Variants in EIF3H observed in about 807,000 individuals in gnomAD.
The protein encoded by EIF3H is eukaryotic translation initiation factor 3 subunit H.
A neutral mutation model predicts 44.2 loss-of-function variants in EIF3H; 26 were observed. The observed-to-expected ratio is 0.59, with a 90% CI of 0.43 to 0.82. The LOEUF (loss-of-function observed/expected upper bound fraction) is 0.82, where lower values mean the gene tolerates loss of function less well. EIF3H is among the 40% of genes least tolerant of loss of function. The probability of loss-of-function intolerance (pLI) is 0.00; values close to 1 mark genes in which losing one functional copy is unlikely to be tolerated. For missense variants in EIF3H, 359 were observed against 432.8 expected (o/e 0.83, Z 1.51); for synonymous variants, 166 against 151.9 (o/e 1.09, Z -0.68).
intron 2 of EIF3H, among the ~76,000 whole-genome samples, chr8:116,700,573 T>A (rs1002659060): frequency 6.6e-6 from 1 of 152,134 alleles, no homozygotes; most frequent in African/African-American, 2.4e-5. Flanking sequence ...CTCTACTTTT[T>A]ACCAACTATT....
At chr8:116,742,940 G>A (rs73308212) in intron 1 of EIF3H, among the ~76,000 whole-genome samples, 2,105 of 152,292 alleles carry the variant, frequency 0.014, 51 homozygotes, top group African/African-American at 0.047. Context: ...TATAAAAAGC[G>A]CACCACAGTA....
exon 1 of EIF3H, chr8:116,765,848 T>C (rs1815566667): frequency 6.6e-6 from 1 of 152,240 alleles, no homozygotes; most frequent in Admixed American, 6.5e-5. Flanking sequence ...TTGAGAGTTC[T>C]TCCAAAACAC....
At chr8:116,679,560 C>A (rs1475765661) in intron 2 of EIF3H, among the ~76,000 whole-genome samples, 519 of 19,228 alleles carry the variant, frequency 0.027, 45 homozygotes, top group Admixed American at 0.091. Context: ...CCCGCCCGGC[C>A]AGCCGCCCCA....
At chr8:116,660,793 T>TACCAGAC (rs912127340) in intron 2 of EIF3H, among the ~76,000 whole-genome samples, 1 of 152,152 alleles carries the variant, frequency 6.6e-6, no homozygotes, top group Non-Finnish European at 1.5e-5. Flanking sequence ...AGACACCAGA[T>TACCAGAC]ACCAGACACC....
chr8:116,648,987 C>A, intron 5 of EIF3H, 61 bp from the exon 6 acceptor site: 1 of 1,480,896 alleles, frequency 6.8e-7, no homozygotes, highest in Admixed American at 1.9e-5. Flanking sequence ...TGCTACTGCT[C>A]TAAACAGTTT....
intron 2 of EIF3H, among the ~76,000 whole-genome samples, chr8:116,712,136 G>A (rs1382464630): frequency 1.3e-5 from 2 of 152,204 alleles, no homozygotes; most frequent in East Asian, 3.8e-4. Context: ...TGTCATTGCT[G>A]TCTGCTGAGG....
chr8:116,714,075 A>G (rs1814619784), intron 2 of EIF3H, among the ~76,000 whole-genome samples: 1 of 152,158 alleles, frequency 6.6e-6, no homozygotes, highest in Admixed American at 6.5e-5. Flanking sequence ...TGGATACTAA[A>G]GCAACAGCAA....
At chr8:116,672,079 T>C (rs1813767605) in intron 2 of EIF3H, among the ~76,000 whole-genome samples, 2 of 152,160 alleles carry the variant, frequency 1.3e-5, no homozygotes, top group African/African-American at 2.4e-5. Context: ...GGAGGCAAAA[T>C]AGTAAAACAG....
intron 1 of EIF3H, among the ~76,000 whole-genome samples, chr8:116,752,724 GAAAGAAAGAAGA>G (rs1563663011): frequency 3.3e-5 from 4 of 120,384 alleles, no homozygotes; most frequent in Admixed American, 1.9e-4. Flanking sequence ...AAGAAAGAAA[GAAAGAAAGAAGA>G]GAAAGAAAGA....
chr8:116,655,957 C>T lies in EIF3H; in HGVS notation c.606G>A (p.Pro202=), dbSNP rs200317577. 7 of 1,613,394 alleles carry T rather than the reference C, an allele frequency of 4.3e-6. No individual in the cohort carries two copies. Among genetic ancestry groups the T allele is most frequent in the South Asian group, 1.1e-5 (1 of 91,060 alleles). The change falls in exon 5 of 8, where the codon CCG becomes CCA. Residue 202 remains proline (P), a synonymous_variant. Transcript: ENST00000521861. The part of the protein sequence containing the change: ...ITFEYMFEEV[P]IVIKNSHLIN... ...TCAGATGTGAATTTTTAATTACAAT[C>T]GGCACTTCTTCAAACATGTACTCAA...
chr8:116,754,285 G>C (rs1001482897), intron 1 of EIF3H, among the ~76,000 whole-genome samples: 1 of 152,032 alleles, frequency 6.6e-6, no homozygotes, highest in Non-Finnish European at 1.5e-5. Context: ...GGCTAATTTT[G>C]TGTTTTTAGT....
chr8:116,660,343 T>C (rs1328051250), intron 2 of EIF3H, among the ~76,000 whole-genome samples: 1 of 152,244 alleles, frequency 6.6e-6, no homozygotes, highest in Non-Finnish European at 1.5e-5. Context: ...ACTATGGTTT[T>C]ACAAAGCCTA....
intron 2 of EIF3H, among the ~76,000 whole-genome samples, chr8:116,670,190 A>T (rs1813729533): frequency 6.6e-6 from 1 of 152,212 alleles, no homozygotes; most frequent in Non-Finnish European, 1.5e-5. Context: ...AAATTCTCAA[A>T]GGGGCTCAAG....
intron 1 of EIF3H, among the ~76,000 whole-genome samples, 189 bp from the exon 2 acceptor site, chr8:116,726,361 C>T (rs1337350521): frequency 2.0e-5 from 3 of 152,120 alleles, no homozygotes; most frequent in East Asian, 1.9e-4. Flanking sequence ...ATAATCTAAA[C>T]GCAGATCTGA....
At chr8:116,732,668 CATTCA>C (rs1814971214) in intron 1 of EIF3H, among the ~76,000 whole-genome samples, 1 of 151,984 alleles carries the variant, frequency 6.6e-6, no homozygotes, top group Admixed American at 6.6e-5. Flanking sequence ...TTCATTCATT[CATTCA>C]TTCATTCACT....
Position 116,654,708 on chromosome 8 carries a change from G to C in EIF3H, c.707+1148C>G, listed in dbSNP as rs117410845. 2.8e-3 allele frequency among the ~76,000 whole-genome samples: 419 copies of C among 152,220 alleles called. 6 individuals carry two copies. In the East Asian group the frequency reaches 0.029, roughly 10 times the overall value. On this transcript the variant is annotated intron_variant, in intron 5 of 7. Coordinates refer to ENST00000521861, the MANE Select transcript of EIF3H (RefSeq NM_003756.3). ...CCTTGCAACCTGGCTGTGTTACTGA[G>C]CACTCCATTTACATTCATCGTCCAT... is the stretch of plus-strand genomic sequence containing the variant.
chr8:116,689,257 G>A, intron 2 of EIF3H: 1 of 282,082 alleles, frequency 3.5e-6, no homozygotes, highest in South Asian at 2.9e-5. Context: ...GTAGATTTGA[G>A]GATACCAGAG....
chr8:116,726,493 C>G (rs1367755939), intron 1 of EIF3H, among the ~76,000 whole-genome samples: 1 of 152,168 alleles, frequency 6.6e-6, no homozygotes, highest in Non-Finnish European at 1.5e-5. Flanking sequence ...AATACCCCCT[C>G]AACCTGAGGC....
At chr8:116,748,043 G>A (rs551634598) in intron 1 of EIF3H, among the ~76,000 whole-genome samples, 85 of 152,010 alleles carry the variant, frequency 5.6e-4, no homozygotes, top group South Asian at 1.0e-3. Flanking sequence ...CCTGGGAGGC[G>A]GAGGTTGCAG....
Sources: allele counts gnomAD v4.1 joint callset (sites outside exome capture counted in the v4.1 genomes callset), GRCh38; gene constraint gnomAD v4.1.1; transcripts MANE v1.5; gene names NCBI Gene and HGNC (gene_info 2026-07-23, HGNC 2026-07-21).